FMN2: variants seen among roughly 807,000 people sequenced by gnomAD.
The protein encoded by FMN2 is formin-2.
Under a neutral mutation model 142.3 loss-of-function variants are expected in FMN2, and 51 were observed. The ratio of observed to expected loss-of-function variants is 0.36; its 90% CI spans 0.29 to 0.45. FMN2 has a LOEUF of 0.45. Among genes scored for constraint, FMN2 ranks in the 20% least tolerant of loss-of-function variants. The probability of loss-of-function intolerance (pLI) is 1.00; values close to 1 mark genes in which losing one functional copy is unlikely to be tolerated. For synonymous variants in FMN2, 882 were observed against 869.8 expected, an observed-to-expected ratio of 1.01 and a Z score of -0.25; for missense variants, 1,936 against 2,122.8, an observed-to-expected ratio of 0.91 and a Z score of 1.73.
Position 240,173,241 on chromosome 1 carries a change from T to A in FMN2, c.1783-4680T>A, listed in dbSNP as rs183690322. Among the ~76,000 whole-genome samples, 7 of 152,232 alleles carry A rather than the reference T, an allele frequency of 4.6e-5. No homozygotes were observed. In the East Asian group the frequency reaches 1.4e-3, roughly 29 times the overall value. On this transcript the variant is annotated intron_variant, in intron 2 of 17. Transcript: ENST00000319653. ...GTGAGCCACCACGCCCGGCCTCAAG[T>A]GGCTTTTATGTAGTCATCATAGCAC... is the stretch of plus-strand genomic sequence containing the variant.
intron 13 of FMN2, among the ~76,000 whole-genome samples, chr1:240,344,059 C>T (rs988427242): frequency 3.3e-5 from 5 of 152,154 alleles, no homozygotes; most frequent in African/African-American, 1.2e-4. Context: ...TTTCATTTTA[C>T]TCTAAATGCA....
intron 14 of FMN2, among the ~76,000 whole-genome samples, chr1:240,377,745 T>C (rs1558461118): frequency 6.6e-6 from 1 of 152,196 alleles, no homozygotes; most frequent in Non-Finnish European, 1.5e-5. Context: ...GATGAGCTTC[T>C]CATCTTAAGG....
At chr1:240,142,500 T>TTTATTTATTTATTTATATA (rs1553331235) in intron 2 of FMN2, among the ~76,000 whole-genome samples, 6 of 150,788 alleles carry the variant, frequency 4.0e-5, no homozygotes, top group African/African-American at 7.4e-5. Flanking sequence ...TTTATTTATA[T>TTTATTTATTTATTTATATA]TTTTTGGGGG....
intron 2 of FMN2, chr1:240,154,844 C>G (rs180850546): frequency 1.4e-5 from 2 of 139,512 alleles, no homozygotes; most frequent in East Asian, 4.9e-4. Flanking sequence ...TTCCTTCCTT[C>G]CCTCCCTCCC....
chr1:240,326,585 G>A (rs913212209), intron 8 of FMN2, among the ~76,000 whole-genome samples: 2 of 152,116 alleles, frequency 1.3e-5, no homozygotes, highest in Admixed American at 6.5e-5. Flanking sequence ...CTGTGTCCAT[G>A]GAGTAGGATT....
At chr1:240,419,564 G>A (rs1018312861) in intron 15 of FMN2, among the ~76,000 whole-genome samples, 3 of 152,164 alleles carry the variant, frequency 2.0e-5, no homozygotes, top group African/African-American at 7.2e-5. Context: ...TAATGGAAGT[G>A]GCCATGTGGA....
chr1:240,305,951 GTTT>G (rs10577212), intron 8 of FMN2, among the ~76,000 whole-genome samples: 12 of 121,774 alleles, frequency 9.9e-5, no homozygotes, highest in Admixed American at 2.3e-4. Context: ...ATGCTTGTAA[GTTT>G]TTTTTTTTTT....
chr1:240,365,519 T>A lies in FMN2; in HGVS notation c.4858+9611T>A, dbSNP rs544148654. On this transcript the variant is annotated intron_variant, in intron 14 of 17. Transcript: ENST00000319653. ...ATACAACATAAAATTTTGTACTATA[T>A]TCATTTTATGTTGAACACAAAAATA... Among the ~76,000 whole-genome samples, 171 of 152,056 alleles carry A rather than the reference T, an allele frequency of 1.1e-3. 1 individual carries two copies. The highest frequency in any genetic ancestry group is 3.9e-3 in the African/African-American group (161 of 41,548).
chr1:240,223,594 G>T (rs1256322933), intron 6 of FMN2, among the ~76,000 whole-genome samples: 1 of 152,122 alleles, frequency 6.6e-6, no homozygotes, highest in Non-Finnish European at 1.5e-5. Flanking sequence ...GTAAAATTCG[G>T]CTGTGAATCT....
At chr1:240,098,758 G>T (rs1027804201) in intron 1 of FMN2, among the ~76,000 whole-genome samples, 6 of 152,164 alleles carry the variant, frequency 3.9e-5, no homozygotes, top group Non-Finnish European at 8.8e-5. Flanking sequence ...CTGTGGTTTG[G>T]ATTGAAGTCA....
chr1:240,093,985 C>T (rs1198855571), intron 1 of FMN2, among the ~76,000 whole-genome samples: 1 of 152,240 alleles, frequency 6.6e-6, no homozygotes, highest in African/African-American at 2.4e-5. Flanking sequence ...CTGCCCATTT[C>T]ACCAAAATAC....
At chr1:240,142,950 T>C in intron 2 of FMN2, 2 of 1,603,590 alleles carry the variant, frequency 1.2e-6, no homozygotes, top group Non-Finnish European at 8.5e-7. Flanking sequence ...CAATACATAG[T>C]GTGATTTGCC....
At chr1:240,247,008 G>GA (rs888032234) in intron 6 of FMN2, among the ~76,000 whole-genome samples, 1 of 151,900 alleles carries the variant, frequency 6.6e-6, no homozygotes, top group African/African-American at 2.4e-5. Context: ...CAAGGTGTTG[G>GA]AAAAAAAGGT....
At position 240,145,321 on chromosome 1, in the gene FMN2, C is replaced by T. The variant is rs148503127; in HGVS notation, c.1782+21976C>T. On this transcript the variant is annotated intron_variant, in intron 2 of 17. Transcript: ENST00000319653. ...TCTCATCCATGCCGCTGAGGGCCGC[C>T]GCTGGGGGCTGCTGGGACTGCACCA... 1,556 of 1,129,422 alleles carry T rather than the reference C, an allele frequency of 1.4e-3. 23 individuals carry two copies. In the African/African-American group the frequency reaches 0.021, roughly 16 times the overall value. The allele number at this position is 1,129,422 out of a possible 1,614,324, so 70.0% of individuals were successfully genotyped here.
chr1:240,451,238 T>TC (rs1309405049), intron 16 of FMN2, among the ~76,000 whole-genome samples: 4 of 151,380 alleles, frequency 2.6e-5, no homozygotes, highest in African/African-American at 9.7e-5. Context: ...CGGTGGTGGG[T>TC]ACCTGTAATC....
intron 2 of FMN2, among the ~76,000 whole-genome samples, chr1:240,167,617 T>C (rs149623413): frequency 1.2e-3 from 176 of 152,364 alleles, no homozygotes; most frequent in African/African-American, 4.0e-3. Flanking sequence ...ATCACATTTA[T>C]GTGTTCCATG....
chr1:240,192,334 G>T (rs2103355063), intron 4 of FMN2, among the ~76,000 whole-genome samples: 1 of 152,270 alleles, frequency 6.6e-6, no homozygotes, highest in African/African-American at 2.4e-5. Flanking sequence ...CAGATCAAAA[G>T]AAAGTGGAGT....
At chr1:240,175,959 T>C (rs754078212) in intron 2 of FMN2, among the ~76,000 whole-genome samples, 8 of 152,218 alleles carry the variant, frequency 5.3e-5, no homozygotes, top group Non-Finnish European at 1.0e-4. Flanking sequence ...GTTAAATCCT[T>C]ATCAGGGTTG....
intron 13 of FMN2, among the ~76,000 whole-genome samples, chr1:240,335,909 C>T (rs1016453134): frequency 1.3e-5 from 2 of 151,686 alleles, no homozygotes; most frequent in African/African-American, 4.8e-5. Flanking sequence ...TTTGGGAGGC[C>T]GAGACAGGCA....
Sources: gnomAD v4.1 joint callset for allele counts (sites outside exome capture counted in the v4.1 genomes callset) on GRCh38, gnomAD v4.1.1 for gene constraint, MANE v1.5 for transcripts, NCBI Gene and HGNC (gene_info 2026-07-23, HGNC 2026-07-21) for gene names.